Variants in CDYL observed in about 807,000 individuals in gnomAD.
The protein encoded by CDYL is chromodomain Y like, also known as chromodomain Y-like protein.
A neutral mutation model predicts 47.3 loss-of-function variants in CDYL; 8 were observed. The observed-to-expected ratio is 0.17, with a 90% confidence interval of 0.10 to 0.31. CDYL has a LOEUF of 0.31. Among genes scored for constraint, CDYL ranks in the 10% least tolerant of loss-of-function variants. The pLI, the probability that CDYL is intolerant of heterozygous loss-of-function variation, is 1.00. For synonymous variants in CDYL, 266 were observed against 265.0 expected, an observed-to-expected ratio of 1.00 and a Z score of -0.04; for missense variants, 471 against 701.4, an observed-to-expected ratio of 0.67 and a Z score of 3.71.
intron 2 of CDYL, among the ~76,000 whole-genome samples, chr6:4,914,005 G>T (rs1036784829): frequency 6.6e-6 from 1 of 152,138 alleles, no homozygotes; most frequent in African/African-American, 2.4e-5. Flanking sequence ...AGGACTGACT[G>T]CTCTCTCTAT....
At chr6:4,872,347 G>A (rs1337173361) in intron 1 of CDYL, among the ~76,000 whole-genome samples, 2 of 140,442 alleles carry the variant, frequency 1.4e-5, no homozygotes, top group Admixed American at 1.5e-4. Context: ...TTTTTGGTTG[G>A]TACATTAGGT....
chr6:4,809,153 A>T (rs1473380070), intron 1 of CDYL, among the ~76,000 whole-genome samples: 1 of 152,048 alleles, frequency 6.6e-6, no homozygotes, highest in African/African-American at 2.4e-5. Flanking sequence ...TATGTATTTT[A>T]TTGCATTATC....
Position 4,943,538 on chromosome 6 carries a change from C to T in CDYL, c.1122-8C>T. 1 of 1,578,518 alleles carries T rather than the reference C, an allele frequency of 6.3e-7. No individual in the cohort carries two copies. The highest frequency in any genetic ancestry group is 8.7e-7 in the Non-Finnish European group (1 of 1,153,020). On this transcript the variant is annotated splice_polypyrimidine_tract_variant and splice_region_variant and intron_variant, in intron 4 of 6. Transcript: ENST00000397588. ...TTTGAGTAATTCCCCATTTATTTTT[C>T]ATTTTAGAAACTTCGTGAATACTTT... is the stretch of plus-strand genomic sequence containing the variant.
chr6:4,930,843 A>G (rs900787826), intron 2 of CDYL, among the ~76,000 whole-genome samples: 1 of 152,194 alleles, frequency 6.6e-6, no homozygotes, highest in African/African-American at 2.4e-5. Context: ...AAGCCTTGGT[A>G]CTCTGAATCC....
intron 3 of CDYL, among the ~76,000 whole-genome samples, chr6:4,748,401 T>C (rs1757933042): frequency 6.6e-6 from 1 of 151,800 alleles, no homozygotes; most frequent in Non-Finnish European, 1.5e-5. Flanking sequence ...AAAGGATACA[T>C]ACTAATAACA....
intron 5 of CDYL, among the ~76,000 whole-genome samples, chr6:4,951,523 A>G (rs1009759520): frequency 6.6e-6 from 1 of 152,016 alleles, no homozygotes; most frequent in African/African-American, 2.4e-5. Context: ...ATACACATAT[A>G]TATTCTTTTA....
At chr6:4,939,723 C>A (rs539998810) in intron 4 of CDYL, among the ~76,000 whole-genome samples, 3 of 152,184 alleles carry the variant, frequency 2.0e-5, no homozygotes, top group African/African-American at 4.8e-5. Context: ...TGACTCTCAG[C>A]GCCTCTAAGA....
chr6:4,799,101 A>G (rs530125490), intron 1 of CDYL, among the ~76,000 whole-genome samples: 4 of 152,338 alleles, frequency 2.6e-5, no homozygotes, highest in Admixed American at 2.0e-4. Flanking sequence ...CAGTCTATCA[A>G]AATTTGATAT....
intron 2 of CDYL, among the ~76,000 whole-genome samples, chr6:4,915,277 C>T (rs1427294816): frequency 6.6e-6 from 1 of 152,200 alleles, no homozygotes; most frequent in Admixed American, 6.5e-5. Flanking sequence ...TCTTCCAAAA[C>T]ACATTTTACC....
rs533166459 is a variant in CDYL, at chr6:4,947,360, G to A, written c.1332+3604G>A. On this transcript the variant is annotated intron_variant, in intron 5 of 6. Coordinates refer to ENST00000397588, the MANE Select transcript of CDYL (RefSeq NM_004824.4). ...AGAAGCGCCTATACCAAGTTCTAGG[G>A]TACCTCCCCACCCCTCACAAGCTGA... 2.6e-5 allele frequency among the ~76,000 whole-genome samples: 4 copies of A among 152,212 alleles called. No individual in the cohort carries two copies. The South Asian group carries it at 6.2e-4, about 24-fold the overall frequency.
chr6:4,848,468 G>A (rs1391098064), intron 1 of CDYL, among the ~76,000 whole-genome samples: 1 of 152,208 alleles, frequency 6.6e-6, no homozygotes, highest in Non-Finnish European at 1.5e-5. Context: ...CTATTATAGT[G>A]TTGAAAATGT....
At chr6:4,823,028 T>TAGA (rs1759883981) in intron 1 of CDYL, among the ~76,000 whole-genome samples, 1 of 152,200 alleles carries the variant, frequency 6.6e-6, no homozygotes, top group African/African-American at 2.4e-5. Flanking sequence ...TCGTAAGAAG[T>TAGA]CGACACCACC....
intron 2 of CDYL, among the ~76,000 whole-genome samples, chr6:4,897,522 A>G (rs9504288): frequency 2.1e-3 from 316 of 152,320 alleles, no homozygotes; most frequent in African/African-American, 7.2e-3. Flanking sequence ...AGGGAAGTAT[A>G]AGAGGCACAG....
chr6:4,892,452 C>T (rs1202567888), intron 2 of CDYL, 73 bp downstream of exon 2: 3 of 1,472,282 alleles, frequency 2.0e-6, no homozygotes, highest in East Asian at 4.6e-5. Context: ...GAGATCAGGC[C>T]TTGAGCTGGG....
At chr6:4,800,658 A>C (rs745732897) in intron 1 of CDYL, among the ~76,000 whole-genome samples, 1 of 152,136 alleles carries the variant, frequency 6.6e-6, no homozygotes, top group South Asian at 2.1e-4. Flanking sequence ...CCCTTATTTT[A>C]CCTTCATTTT....
At chr6:4,742,333 C>T (rs907192470) in intron 3 of CDYL, among the ~76,000 whole-genome samples, 8 of 145,604 alleles carry the variant, frequency 5.5e-5, no homozygotes, top group African/African-American at 2.1e-4. Flanking sequence ...TGCACCACTG[C>T]ACTCCAGCCT....
intron 1 of CDYL, among the ~76,000 whole-genome samples, chr6:4,804,234 C>T (rs1353028742): frequency 6.6e-6 from 1 of 152,092 alleles, no homozygotes; most frequent in East Asian, 1.9e-4. Flanking sequence ...GCAGTGGCCT[C>T]GCCCAGTCAG....
chr6:4,835,035 C>G (rs1028323275), intron 1 of CDYL, among the ~76,000 whole-genome samples: 5 of 151,528 alleles, frequency 3.3e-5, no homozygotes, highest in African/African-American at 1.2e-4. Flanking sequence ...TCCTGTAGCT[C>G]GTAGTTTGAT....
intron 2 of CDYL, among the ~76,000 whole-genome samples, chr6:4,906,552 C>G (rs902367708): frequency 6.6e-6 from 1 of 152,182 alleles, no homozygotes; most frequent in Non-Finnish European, 1.5e-5. Flanking sequence ...CATGACATTG[C>G]GTACAGAGTG....
Sources: gnomAD v4.1 joint callset for allele counts (sites outside exome capture counted in the v4.1 genomes callset) on GRCh38, gnomAD v4.1.1 for gene constraint, MANE v1.5 for transcripts, NCBI Gene and HGNC (gene_info 2026-07-23, HGNC 2026-07-21) for gene names.